The following VPS54 variants were observed in gnomAD, a reference collection of about 807,000 sequenced individuals.
The protein encoded by VPS54 is vacuolar protein sorting-associated protein 54.
Under a neutral mutation model 121.5 loss-of-function variants are expected in VPS54, and 45 were observed. The ratio of observed to expected loss-of-function variants is 0.37; its 90% CI spans 0.29 to 0.47. The LOEUF is 0.47. VPS54 is among the 20% of genes least tolerant of loss of function. The pLI is 0.99. For synonymous variants in VPS54, 371 were observed against 385.8 expected (o/e 0.96, Z 0.45); for missense variants, 1,090 against 1,131.4 (o/e 0.96, Z 0.52).
chr2:63,906,298 T>C (rs67615384), intron 20 of VPS54, among the ~76,000 whole-genome samples: 23,384 of 152,156 alleles, frequency 0.15, 1,865 homozygotes, highest in Middle Eastern at 0.22. Flanking sequence ...AAAATTGGCA[T>C]TGTAACTAAT....
chr2:63,925,608 A>G (rs1673861129), intron 12 of VPS54, among the ~76,000 whole-genome samples: 1 of 152,262 alleles, frequency 6.6e-6, no homozygotes, highest in South Asian at 2.1e-4. Flanking sequence ...TATCAAAAGT[A>G]AAATACATAC....
intron 20 of VPS54, among the ~76,000 whole-genome samples, chr2:63,901,023 G>A (rs966033023): frequency 6.6e-6 from 1 of 152,162 alleles, no homozygotes; most frequent in Non-Finnish European, 1.5e-5. Flanking sequence ...GCCTCCCAAA[G>A]TGCTGGGATT....
chr2:63,944,647 A>C lies in VPS54; in HGVS notation c.1254T>G (p.Ile418Met), dbSNP rs756040209. 1 of 1,608,776 alleles carries C rather than the reference A, an allele frequency of 6.2e-7. No individual in the cohort carries two copies. Among genetic ancestry groups the C allele is most frequent in the Non-Finnish European group, 8.5e-7 (1 of 1,178,074 alleles). The part of the protein sequence containing the change: ...TAKNIIKQCV[I>M]NKVSQTEEID... ...TTTCTTCTGTTTGTGAAACTTTATT[A>C]ATCACACACTGCAAAATTTAAGAAA... Residue 418 changes from isoleucine (I) to methionine (M), a missense_variant, in exon 10 of 23, where the codon ATT becomes ATG. By Grantham distance (10) the Ile-to-Met change is conservative. Transcript: ENST00000272322.
intron 1 of VPS54, among the ~76,000 whole-genome samples, chr2:63,986,126 T>C (rs1272897569): frequency 6.6e-6 from 1 of 152,246 alleles, no homozygotes; most frequent in African/African-American, 2.4e-5. Flanking sequence ...TGTGTTACTA[T>C]CAAATTATAC....
At chr2:63,969,771 G>A (rs1232993166) in intron 4 of VPS54, among the ~76,000 whole-genome samples, 1 of 152,146 alleles carries the variant, frequency 6.6e-6, no homozygotes. Flanking sequence ...ATTGAGGACT[G>A]CTGTGCTATC....
chr2:64,004,092 T>C (rs546005191), intron 1 of VPS54, among the ~76,000 whole-genome samples: 2 of 152,144 alleles, frequency 1.3e-5, no homozygotes, highest in South Asian at 2.1e-4. Flanking sequence ...CTGGCCACAT[T>C]TGGGACAACT....
chr2:63,991,540 G>A (rs1169452502), intron 1 of VPS54, among the ~76,000 whole-genome samples: 2 of 152,172 alleles, frequency 1.3e-5, no homozygotes, highest in African/African-American at 4.8e-5. Context: ...AGTCAACTTG[G>A]TCATACTCAG....
chr2:63,974,302 C>T (rs1676418833), intron 3 of VPS54, among the ~76,000 whole-genome samples: 1 of 152,202 alleles, frequency 6.6e-6, no homozygotes, highest in South Asian at 2.1e-4. Flanking sequence ...GTTCCACTGA[C>T]CCATATGTCT....
chr2:63,996,854 C>G (rs942407912), intron 1 of VPS54, among the ~76,000 whole-genome samples: 1 of 152,146 alleles, frequency 6.6e-6, no homozygotes, highest in South Asian at 2.1e-4. Context: ...GGCCTGGTGA[C>G]CTTGCCCTGC....
chr2:64,000,216 C>T (rs1369089807), intron 1 of VPS54, among the ~76,000 whole-genome samples: 1 of 152,178 alleles, frequency 6.6e-6, no homozygotes, highest in Non-Finnish European at 1.5e-5. Flanking sequence ...TTGCATTTTT[C>T]AACTCCAGAA....
chr2:63,987,432 C>T (rs1428508403), intron 1 of VPS54, among the ~76,000 whole-genome samples: 3 of 151,986 alleles, frequency 2.0e-5, no homozygotes, highest in Admixed American at 6.6e-5. Flanking sequence ...TATGCCAATA[C>T]GTTGTATAAT....
Position 63,912,604 on chromosome 2 carries a change from T to C in VPS54, c.2480A>G (p.His827Arg). ...IVHYIPVIRA[H>R]FEARLPPKQY... ...CTTAGGTGGTAGTCGAGCTTCAAAA[T>C]GAGCCCGGATCACAGGAATGTAGTG... The change falls in exon 19 of 23, where the codon CAT becomes CGT. Residue 827 changes from histidine to arginine, a missense_variant. Coordinates refer to ENST00000272322, the MANE Select transcript of VPS54 (RefSeq NM_016516.3). 6.3e-7 allele frequency: 1 copy of C among 1,595,898 alleles called. No individual in the cohort carries two copies. The highest frequency in any genetic ancestry group is 8.5e-7 in the Non-Finnish European group (1 of 1,175,912).
At chr2:63,926,565 G>C (rs1040569244) in intron 12 of VPS54, among the ~76,000 whole-genome samples, 2 of 152,230 alleles carry the variant, frequency 1.3e-5, no homozygotes, top group African/African-American at 2.4e-5. Flanking sequence ...CTCCCAGCGA[G>C]ATCGACGCAG....
chr2:63,975,005 G>A (rs980401785), intron 3 of VPS54: 55 of 1,549,440 alleles, frequency 3.5e-5, no homozygotes, highest in Non-Finnish European at 4.7e-5. Flanking sequence ...GTTCTTAGTG[G>A]GAAGCATCTA....
chr2:63,966,795 T>A (rs1251600515), intron 5 of VPS54, among the ~76,000 whole-genome samples: 1 of 152,224 alleles, frequency 6.6e-6, no homozygotes, highest in African/African-American at 2.4e-5. Flanking sequence ...CCCATTACAC[T>A]CTAGCAATAT....
intron 22 of VPS54, among the ~76,000 whole-genome samples, chr2:63,894,203 C>A (rs768737417): frequency 6.6e-6 from 1 of 152,196 alleles, no homozygotes; most frequent in Non-Finnish European, 1.5e-5. Context: ...TCACAAACTA[C>A]TCCACTAATG....
chr2:63,963,482 G>A (rs1675858683), intron 6 of VPS54, among the ~76,000 whole-genome samples: 1 of 151,910 alleles, frequency 6.6e-6, no homozygotes, highest in Non-Finnish European at 1.5e-5. Context: ...ATCTCTGAAT[G>A]TCTTGGGATA....
chr2:64,005,560 A>ACTGT (rs1678105795), intron 1 of VPS54, among the ~76,000 whole-genome samples: 1 of 152,338 alleles, frequency 6.6e-6, no homozygotes, highest in African/African-American at 2.4e-5. Flanking sequence ...TACTGTCCAT[A>ACTGT]CTGTATCCAT....
At chr2:63,975,080 C>G (rs1240290749) in intron 3 of VPS54, 11 of 1,528,888 alleles carry the variant, frequency 7.2e-6, no homozygotes, top group African/African-American at 1.4e-5. Context: ...GAGTCTCACT[C>G]TGTCACCCAA....
Sources: gnomAD v4.1 joint callset for allele counts (sites outside exome capture counted in the v4.1 genomes callset) on GRCh38, gnomAD v4.1.1 for gene constraint, MANE v1.5 for transcripts, NCBI Gene and HGNC (gene_info 2026-07-23, HGNC 2026-07-21) for gene names.